ANK3: variants seen among roughly 807,000 people sequenced by gnomAD.
The protein encoded by ANK3 is ankyrin-3.
A neutral mutation model predicts 370.9 loss-of-function variants in ANK3; 57 were observed. That is an observed-to-expected ratio of 0.15 (90% CI 0.12 to 0.19). The LOEUF (loss-of-function observed/expected upper bound fraction) is 0.19. Among genes scored for constraint, ANK3 ranks in the 10% least tolerant of loss-of-function variants. ANK3 has a pLI of 1.00. For missense variants in ANK3, 4,439 were observed against 5,302.1 expected (o/e 0.84, Z 5.06); for synonymous variants, 1,929 against 1,946.3 (o/e 0.99, Z 0.23).
chr10:60,582,168 G>A (rs548915483), intron 2 of ANK3, among the ~76,000 whole-genome samples: 17 of 152,220 alleles, frequency 1.1e-4, no homozygotes, highest in South Asian at 6.2e-4. Context: ...AATACCTAAT[G>A]TAGATGATGG....
At chr10:60,667,333 C>G (rs1291293337) in intron 1 of ANK3, among the ~76,000 whole-genome samples, 1 of 151,300 alleles carries the variant, frequency 6.6e-6, no homozygotes, top group Non-Finnish European at 1.5e-5. Flanking sequence ...GAAAGGCCCA[C>G]TCTTAAAAGT....
At chr10:60,322,602 C>A (rs923981880) in intron 1 of ANK3, among the ~76,000 whole-genome samples, 1 of 151,652 alleles carries the variant, frequency 6.6e-6, no homozygotes, top group Admixed American at 6.6e-5. Context: ...TCTCATTAAT[C>A]AACTTTTTTA....
intron 2 of ANK3, among the ~76,000 whole-genome samples, chr10:60,459,144 C>T (rs577980589): frequency 8.5e-5 from 13 of 152,078 alleles, no homozygotes; most frequent in South Asian, 4.2e-4. Context: ...AAATATATTC[C>T]GTTTCCAAAG....
In ANK3 at chr10:60,227,251, G is replaced by A. The variant is rs147137328; in HGVS notation, c.897+7437C>T. ...ATATTTTTCATTCAGAACTTTAAAG[G>A]TGGCCCATCATTTTCTGACCTTCAG... On this transcript the variant is annotated intron_variant, in intron 8 of 43. Transcript: ENST00000280772. 4.4e-3 allele frequency among the ~76,000 whole-genome samples: 669 copies of A among 151,856 alleles called. 1 individual carries two copies. The highest frequency in any genetic ancestry group is 0.01 in the Middle Eastern group (3 of 294).
chr10:60,216,385 G>A (rs1394243635), intron 8 of ANK3, among the ~76,000 whole-genome samples: 1 of 152,122 alleles, frequency 6.6e-6, no homozygotes, highest in Non-Finnish European at 1.5e-5. Context: ...ATTCAATAAT[G>A]ATATTAGTTG....
At position 60,069,970 on chromosome 10, in the gene ANK3, A is replaced by G; in HGVS notation, c.10911T>C (p.His3637=). ...GGTCCCCTGACTTCCCTTCAGAAGT[A>G]TGCTCACCAATCTGGAAAAATTGGA... The part of the protein sequence containing the change: ...ERLQFFQIGE[H]TSEGKSGDQG... Residue 3637 remains histidine (H), a synonymous_variant, in exon 37 of 44, where the codon CAT becomes CAC. Coordinates refer to ENST00000280772, the MANE Select transcript of ANK3 (RefSeq NM_020987.5). The G allele has an allele frequency of 1.2e-6, 2 of 1,614,138 alleles. No individual in the cohort carries two copies. Among genetic ancestry groups the G allele is most frequent in the Non-Finnish European group, 1.7e-6 (2 of 1,180,020 alleles).
chr10:60,200,557 G>A (rs930305687), intron 12 of ANK3, among the ~76,000 whole-genome samples: 1 of 152,058 alleles, frequency 6.6e-6, no homozygotes, highest in Non-Finnish European at 1.5e-5. Context: ...GGGCAGGTGT[G>A]GAGTGCTTGA....
intron 1 of ANK3, among the ~76,000 whole-genome samples, chr10:60,732,962 GT>G (rs2080046207): frequency 6.6e-6 from 1 of 151,846 alleles, no homozygotes; most frequent in Non-Finnish European, 1.5e-5. Flanking sequence ...CCAGACGAAT[GT>G]TTCCAAGCAG....
chr10:60,594,993 C>G (rs1231882205), intron 2 of ANK3, among the ~76,000 whole-genome samples: 3 of 152,036 alleles, frequency 2.0e-5, no homozygotes. Flanking sequence ...AGGTAAGTAT[C>G]CCCTGAAGTC....
At chr10:60,179,765 G>A (rs951374532) in intron 18 of ANK3, among the ~76,000 whole-genome samples, 5 of 151,922 alleles carry the variant, frequency 3.3e-5, no homozygotes, top group South Asian at 2.1e-4. Flanking sequence ...CCTGAGACTC[G>A]TACATCGAGG....
chr10:60,637,421 C>G (rs2078569811), intron 1 of ANK3, among the ~76,000 whole-genome samples: 1 of 152,140 alleles, frequency 6.6e-6, no homozygotes, highest in East Asian at 1.9e-4. Context: ...AAAATAAGTA[C>G]TTTCATACAA....
chr10:60,480,624 C>T (rs531970218), intron 2 of ANK3, among the ~76,000 whole-genome samples: 1 of 152,068 alleles, frequency 6.6e-6, no homozygotes. Context: ...ATAAATAAGA[C>T]AGAGTTTACC....
chr10:60,153,820 G>A (rs1429620442), intron 23 of ANK3, among the ~76,000 whole-genome samples: 1 of 152,102 alleles, frequency 6.6e-6, no homozygotes, highest in Non-Finnish European at 1.5e-5. Flanking sequence ...TCATTATAAA[G>A]CTGTTTATCA....
chr10:60,220,979 T>A (rs906787649), intron 8 of ANK3, among the ~76,000 whole-genome samples: 1 of 152,208 alleles, frequency 6.6e-6, no homozygotes, highest in East Asian at 1.9e-4. Flanking sequence ...ACATACTGAA[T>A]GCAAAGTGTT....
intron 7 of ANK3, among the ~76,000 whole-genome samples, chr10:60,255,237 T>A (rs990838853): frequency 6.6e-6 from 1 of 152,186 alleles, no homozygotes; most frequent in African/African-American, 2.4e-5. Flanking sequence ...GGCAGAATTG[T>A]TGATGTTTTT....
chr10:60,054,036 C>T (rs2078633554), intron 42 of ANK3, among the ~76,000 whole-genome samples: 2 of 152,148 alleles, frequency 1.3e-5, no homozygotes, highest in Admixed American at 1.3e-4. Flanking sequence ...AGCTAAGTTT[C>T]CACTCAAGGT....
intron 1 of ANK3, among the ~76,000 whole-genome samples, chr10:60,688,371 T>G (rs1439106291): frequency 1.3e-5 from 2 of 152,166 alleles, no homozygotes; most frequent in East Asian, 3.9e-4. Context: ...TGACCCAGAA[T>G]TACTATTTAA....
chr10:60,712,307 C>T (rs369207055), intron 1 of ANK3, among the ~76,000 whole-genome samples: 7 of 152,230 alleles, frequency 4.6e-5, no homozygotes, highest in African/African-American at 1.4e-4. Flanking sequence ...TTTAGAGATC[C>T]TGCAGGATAA....
chr10:60,412,149 A>AT (rs1216182531), intron 2 of ANK3, among the ~76,000 whole-genome samples: 1 of 152,126 alleles, frequency 6.6e-6, no homozygotes, highest in South Asian at 2.1e-4. Context: ...ATGTGTGTTA[A>AT]TTTTTTTCGT....
Sources: allele counts gnomAD v4.1 joint callset (sites outside exome capture counted in the v4.1 genomes callset), GRCh38; gene constraint gnomAD v4.1.1; transcripts MANE v1.5; gene names NCBI Gene and HGNC (gene_info 2026-07-23, HGNC 2026-07-21).